Variants in RIT2 observed in about 807,000 individuals in gnomAD.
The protein encoded by RIT2 is GTP-binding protein Rit2.
In RIT2, 24 loss-of-function variants were observed where a neutral mutation model predicts 23.7. The ratio of observed to expected loss-of-function variants is 1.01; its 90% CI spans 0.73 to 1.43. The LOEUF (loss-of-function observed/expected upper bound fraction) is 1.43. Ranked by LOEUF, RIT2 falls within the 40% of genes most tolerant of loss-of-function variation. The pLI, the probability that RIT2 is intolerant of heterozygous loss-of-function variation, is 0.00. For missense variants in RIT2, 236 were observed against 266.9 expected (o/e 0.88, Z 0.81); for synonymous variants, 107 against 91.1 (o/e 1.17, Z -0.99).
chr18:43,055,082 T>G (rs1186590032), intron 1 of RIT2, among the ~76,000 whole-genome samples: 1 of 152,134 alleles, frequency 6.6e-6, no homozygotes, highest in Admixed American at 6.6e-5. Flanking sequence ...GCTTTTGAGC[T>G]GTTCCTGTTG....
At chr18:42,782,401 T>C (rs1182637302) in intron 4 of RIT2, among the ~76,000 whole-genome samples, 1 of 152,074 alleles carries the variant, frequency 6.6e-6, no homozygotes, top group Non-Finnish European at 1.5e-5. Context: ...AATAGAGATA[T>C]TTATATTTAC....
At chr18:42,967,903 A>G (rs16977163) in intron 3 of RIT2, among the ~76,000 whole-genome samples, 14,015 of 151,902 alleles carry the variant, frequency 0.092, 726 homozygotes, top group East Asian at 0.19. Context: ...TCTTTTTTCT[A>G]TAAGTTGTCA....
In RIT2 at chr18:43,013,148, T is replaced by A. The variant is rs1168133007; in HGVS notation, c.160+20663A>T. ...TGTACAAGGCACAGTTGAGTCATAT[T>A]TTGAAAGGTTGCAACATCACTGAAC... On this transcript the variant is annotated intron_variant, in intron 2 of 4. Coordinates refer to ENST00000326695, the MANE Select transcript of RIT2 (RefSeq NM_002930.4). Among the ~76,000 whole-genome samples, 4 of 151,958 alleles carry A rather than the reference T, an allele frequency of 2.6e-5. No individual in the cohort carries two copies. The East Asian group carries it at 7.8e-4, about 30-fold the overall frequency.
chr18:42,784,381 G>A (rs1025127688), intron 4 of RIT2, among the ~76,000 whole-genome samples: 1 of 151,954 alleles, frequency 6.6e-6, no homozygotes, highest in Non-Finnish European at 1.5e-5. Flanking sequence ...TTCAACCACT[G>A]TGCTGCTATT....
At chr18:42,982,989 G>C (rs1232124115) in intron 2 of RIT2, among the ~76,000 whole-genome samples, 1 of 151,610 alleles carries the variant, frequency 6.6e-6, no homozygotes, top group Non-Finnish European at 1.5e-5. Context: ...AAATATTTTG[G>C]GAAAAAGGAA....
intron 3 of RIT2, among the ~76,000 whole-genome samples, chr18:42,928,999 T>C (rs1365180541): frequency 1.6e-5 from 2 of 124,938 alleles, no homozygotes; most frequent in East Asian, 5.2e-4. Flanking sequence ...TTGAGATTGC[T>C]AAAATGAATA....
At chr18:43,007,416 G>A (rs1911252266) in intron 2 of RIT2, among the ~76,000 whole-genome samples, 1 of 151,662 alleles carries the variant, frequency 6.6e-6, no homozygotes, top group Non-Finnish European at 1.5e-5. Flanking sequence ...GAAGTAATGA[G>A]CACCGAGTAG....
intron 1 of RIT2, among the ~76,000 whole-genome samples, chr18:43,090,209 A>G (rs1913388088): frequency 6.6e-6 from 1 of 152,186 alleles, no homozygotes. Flanking sequence ...AAGTGGGCAA[A>G]GGACATGAAC....
chr18:42,818,427 A>G (rs563319053), intron 4 of RIT2, among the ~76,000 whole-genome samples: 23 of 152,242 alleles, frequency 1.5e-4, no homozygotes, highest in African/African-American at 4.6e-4. Flanking sequence ...AAGCAATTAG[A>G]ACCTTAAATG....
chr18:43,069,919 G>A (rs543860237), intron 1 of RIT2, among the ~76,000 whole-genome samples: 28 of 151,938 alleles, frequency 1.8e-4, no homozygotes, highest in African/African-American at 6.3e-4. Context: ...CCCTCTTGTC[G>A]TGCCTTATTT....
At chr18:42,914,156 A>G (rs1178922968) in intron 4 of RIT2, among the ~76,000 whole-genome samples, 1 of 152,096 alleles carries the variant, frequency 6.6e-6, no homozygotes, top group Non-Finnish European at 1.5e-5. Flanking sequence ...AAATGACTAA[A>G]ATGAAAACTA....
chr18:42,766,821 C>T (rs1913433622), intron 4 of RIT2, among the ~76,000 whole-genome samples: 1 of 152,138 alleles, frequency 6.6e-6, no homozygotes, highest in Admixed American at 6.5e-5. Context: ...GCCCTGTGTC[C>T]CAGCTGCCCC....
chr18:42,984,042 G>A (rs1910653928), intron 2 of RIT2, among the ~76,000 whole-genome samples: 1 of 152,012 alleles, frequency 6.6e-6, no homozygotes, highest in Admixed American at 6.6e-5. Context: ...GTGCACTCCT[G>A]AGCATTTATT....
chr18:42,779,932 G>T (rs1913767044), intron 4 of RIT2, among the ~76,000 whole-genome samples: 1 of 151,436 alleles, frequency 6.6e-6, no homozygotes, highest in Non-Finnish European at 1.5e-5. Context: ...AGTCAATTTT[G>T]CTAGGTAATG....
At chr18:42,755,106 A>G (rs1297538115) in intron 4 of RIT2, among the ~76,000 whole-genome samples, 2 of 152,186 alleles carry the variant, frequency 1.3e-5, no homozygotes, top group East Asian at 1.9e-4. Flanking sequence ...AGTTCCTAGT[A>G]TACTGTGTAC....
At chr18:42,816,202 G>T (rs1312009163) in intron 4 of RIT2, among the ~76,000 whole-genome samples, 1 of 151,990 alleles carries the variant, frequency 6.6e-6, no homozygotes, top group South Asian at 2.1e-4. Flanking sequence ...CCCCCCCATG[G>T]CTGATTTCAA....
intron 4 of RIT2, among the ~76,000 whole-genome samples, chr18:42,856,687 A>G (rs1907189423): frequency 6.6e-6 from 1 of 152,118 alleles, no homozygotes; most frequent in South Asian, 2.1e-4. Flanking sequence ...AAAATCACCC[A>G]TGTTCAATTT....
intron 4 of RIT2, among the ~76,000 whole-genome samples, chr18:42,768,288 C>T (rs770089400): frequency 1.3e-5 from 2 of 152,098 alleles, no homozygotes; most frequent in African/African-American, 4.8e-5. Context: ...ATCAGGATGG[C>T]AGGCTCAAGT....
intron 4 of RIT2, among the ~76,000 whole-genome samples, chr18:42,811,503 C>G (rs1905848641): frequency 1.3e-5 from 2 of 151,970 alleles, no homozygotes; most frequent in Non-Finnish European, 2.9e-5. Context: ...GACAAGAGTT[C>G]CAAAACTTAC....
Sources: allele counts gnomAD v4.1 joint callset (sites outside exome capture counted in the v4.1 genomes callset), GRCh38; gene constraint gnomAD v4.1.1; transcripts MANE v1.5; gene names NCBI Gene and HGNC (gene_info 2026-07-23, HGNC 2026-07-21).